LHFPL6: variants seen among roughly 807,000 people sequenced by gnomAD.
The protein encoded by LHFPL6 is LHFPL tetraspan subfamily member 6 protein.
LHFPL6 carries 9 observed loss-of-function variants against 20.6 expected under a neutral mutation model. The observed-to-expected ratio is 0.44, with a 90% confidence interval of 0.26 to 0.76. LHFPL6 has a LOEUF of 0.76. Among genes scored for constraint, LHFPL6 ranks in the 30% least tolerant of loss-of-function variants. The pLI, the probability that LHFPL6 is intolerant of heterozygous loss-of-function variation, is 0.20. For synonymous variants in LHFPL6, 105 were observed against 98.7 expected, an observed-to-expected ratio of 1.06 and a Z score of -0.38; for missense variants, 218 against 253.5, an observed-to-expected ratio of 0.86 and a Z score of 0.95.
At chr13:39,387,108 C>T (rs115643255) in intron 2 of LHFPL6, among the ~76,000 whole-genome samples, 1,622 of 152,272 alleles carry the variant, frequency 0.011, 32 homozygotes, top group African/African-American at 0.037. Context: ...GAAGGCCAGA[C>T]ACTCTATGTT....
chr13:39,362,518 A>C (rs1321862785), intron 3 of LHFPL6, among the ~76,000 whole-genome samples: 2 of 152,256 alleles, frequency 1.3e-5, no homozygotes, highest in East Asian at 3.8e-4. Context: ...ACACAAAATC[A>C]GTGGGGACTT....
At chr13:39,451,033 G>T (rs1160610970) in intron 2 of LHFPL6, among the ~76,000 whole-genome samples, 1 of 152,092 alleles carries the variant, frequency 6.6e-6, no homozygotes, top group Non-Finnish European at 1.5e-5. Flanking sequence ...ATAATACTAG[G>T]TAATATTTTA....
chr13:39,522,262 G>T (rs755840549), intron 2 of LHFPL6, among the ~76,000 whole-genome samples: 85 of 152,278 alleles, frequency 5.6e-4, no homozygotes, highest in Non-Finnish European at 8.4e-4. Flanking sequence ...ACTTCATTTT[G>T]CAGACAGATA....
chr13:39,410,847 T>C (rs1871227934), intron 2 of LHFPL6, among the ~76,000 whole-genome samples: 1 of 152,198 alleles, frequency 6.6e-6, no homozygotes, highest in Non-Finnish European at 1.5e-5. Flanking sequence ...AAGAAGTCAT[T>C]GTCCCCTATC....
chr13:39,402,428 C>T (rs184365407), intron 2 of LHFPL6, among the ~76,000 whole-genome samples: 29 of 152,176 alleles, frequency 1.9e-4, no homozygotes, highest in African/African-American at 6.5e-4. Context: ...AGGGATCTTG[C>T]TATGTGGGTC....
intron 2 of LHFPL6, among the ~76,000 whole-genome samples, chr13:39,572,630 C>A (rs1038999806): frequency 4.6e-5 from 7 of 152,184 alleles, no homozygotes; most frequent in Non-Finnish European, 1.0e-4. Flanking sequence ...CTGCTCATAA[C>A]TAAAATGTGT....
chr13:39,571,448 G>A (rs527896422), intron 2 of LHFPL6, among the ~76,000 whole-genome samples: 3 of 152,292 alleles, frequency 2.0e-5, no homozygotes, highest in Non-Finnish European at 4.4e-5. Flanking sequence ...AGGAGGAGAC[G>A]ACCTGACTTC....
At chr13:39,538,025 C>G (rs1237300410) in intron 2 of LHFPL6, among the ~76,000 whole-genome samples, 8 of 147,250 alleles carry the variant, frequency 5.4e-5, no homozygotes, top group African/African-American at 2.0e-4. Context: ...GAGTCTTACT[C>G]TGTCGCCCAG....
chr13:39,597,565 C>T (rs999147540), intron 2 of LHFPL6, among the ~76,000 whole-genome samples: 1 of 152,110 alleles, frequency 6.6e-6, no homozygotes, highest in African/African-American at 2.4e-5. Flanking sequence ...ATTGTATTTC[C>T]CCACAGCCTT....
chr13:39,413,108 A>C (rs9548754), intron 2 of LHFPL6, among the ~76,000 whole-genome samples: 3,693 of 152,230 alleles, frequency 0.024, 81 homozygotes, highest in East Asian at 0.13. Context: ...ACATAATACA[A>C]AGTAGTACAA....
chr13:39,365,653 A>G (rs1283752372), intron 3 of LHFPL6, among the ~76,000 whole-genome samples: 1 of 152,236 alleles, frequency 6.6e-6, no homozygotes, highest in African/African-American at 2.4e-5. Flanking sequence ...TTCAACAAAT[A>G]GCCATCAAAA....
intron 2 of LHFPL6, among the ~76,000 whole-genome samples, chr13:39,501,372 C>T (rs1869288914): frequency 6.6e-6 from 1 of 152,162 alleles, no homozygotes. Context: ...AATTATCTTT[C>T]TCTAAACAGC....
intron 2 of LHFPL6, among the ~76,000 whole-genome samples, chr13:39,398,134 A>C (rs629373): frequency 0.93 from 141,431 of 152,254 alleles, 65,748 homozygotes; most frequent in East Asian, 0.97. Flanking sequence ...GAGACAACAT[A>C]ATCAAGGAAA....
Position 39,350,450 on chromosome 13 carries a change from A to G in LHFPL6, c.485-6396T>C, listed in dbSNP as rs773495449. ...CACCATGTTTTACAGTCATAGAAAA[A>G]AAGTGTTTCTGCATACTCTTCATGA... On this transcript the variant is annotated intron_variant, in intron 3 of 3. Transcript: ENST00000379589. Among the ~76,000 whole-genome samples the G allele has an allele frequency of 3.3e-5, 5 of 152,342 alleles. No individual in the cohort carries two copies. The South Asian group carries it at 8.3e-4, about 25-fold the overall frequency.
At chr13:39,432,908 A>G (rs1208307563) in intron 2 of LHFPL6, among the ~76,000 whole-genome samples, 3 of 152,226 alleles carry the variant, frequency 2.0e-5, no homozygotes, top group Non-Finnish European at 4.4e-5. Context: ...GTTATACCCC[A>G]ATTTTATGGC....
rs1566091549 is a variant in LHFPL6, at chr13:39,352,867, A to ATATATATATAAATGTATATATATGTG, written c.485-8814_485-8813insCACATATATATACATTTATATATATA. Among the ~76,000 whole-genome samples, 460 of 75,128 alleles carry ATATATATATAAATGTATATATATGTG rather than the reference A, an allele frequency of 6.1e-3. 22 individuals carry two copies. Among genetic ancestry groups the ATATATATATAAATGTATATATATGTG allele is most frequent in the Middle Eastern group, 0.014 (2 of 138 alleles). The allele number at this position is 75,128 out of a possible 152,430, so 49.3% of individuals were successfully genotyped here. Reference sequence around the variant, plus strand: ...TATATATAAATGTATATATATGTGTATATATATATATAAATGTATATATAT... The same window carrying ATATATATATAAATGTATATATATGTG: ...TATATATAAATGTATATATATGTGTATATATATATAAATGTATATATATGTGTATATATATATAAATGTATATATAT... On this transcript the variant is annotated intron_variant, in intron 3 of 3. Transcript: ENST00000379589.
At chr13:39,580,348 T>C (rs915741688) in intron 2 of LHFPL6, among the ~76,000 whole-genome samples, 2 of 152,204 alleles carry the variant, frequency 1.3e-5, no homozygotes, top group Admixed American at 6.5e-5. Flanking sequence ...TCTCAAATTA[T>C]GATCTGTGGA....
chr13:39,407,652 A>G (rs1871147104), intron 2 of LHFPL6, among the ~76,000 whole-genome samples: 6 of 152,234 alleles, frequency 3.9e-5, no homozygotes, highest in Admixed American at 2.0e-4. Context: ...AATGTAATGA[A>G]CTATGAAAGT....
At chr13:39,541,391 TCTCCACAGGCC>T (rs1376684024) in intron 2 of LHFPL6, among the ~76,000 whole-genome samples, 2 of 152,110 alleles carry the variant, frequency 1.3e-5, no homozygotes, top group Non-Finnish European at 2.9e-5. Context: ...TGTTCAAAGC[TCTCCACAGGCC>T]CTCCCCTAGC....
Sources: allele counts gnomAD v4.1 joint callset (sites outside exome capture counted in the v4.1 genomes callset), GRCh38; gene constraint gnomAD v4.1.1; transcripts MANE v1.5; gene names NCBI Gene and HGNC (gene_info 2026-07-23, HGNC 2026-07-21).